CEP162: variants seen among roughly 807,000 people sequenced by gnomAD.
The protein encoded by CEP162 is centrosomal protein 162.
Under a neutral mutation model 169.2 loss-of-function variants are expected in CEP162, and 141 were observed. The observed-to-expected ratio is 0.83, with a 90% CI of 0.73 to 0.96. The LOEUF is 0.96. CEP162 is among the 40% of genes least tolerant of loss of function. The pLI, the probability that CEP162 is intolerant of heterozygous loss-of-function variation, is 0.00. For synonymous variants in CEP162, 540 were observed against 526.4 expected (o/e 1.03, Z -0.35); for missense variants, 1,600 against 1,587.2 (o/e 1.01, Z -0.14).
chr6:84,226,248 G>T, intron 2 of CEP162, 89 bp downstream of exon 2: 1 of 860,974 alleles, frequency 1.2e-6, no homozygotes, highest in Non-Finnish European at 1.9e-6. Context: ...GTTTGGTGAT[G>T]GACTAACTGT....
chr6:84,175,436 G>A, intron 13 of CEP162, 89 bp from the exon 14 acceptor site: 2 of 928,134 alleles, frequency 2.2e-6, no homozygotes, highest in Admixed American at 3.1e-5. Flanking sequence ...AAAATACAAT[G>A]GAAACACAAA....
chr6:84,198,405 G>A (rs142091124), intron 9 of CEP162, among the ~76,000 whole-genome samples: 97 of 152,152 alleles, frequency 6.4e-4, no homozygotes, highest in African/African-American at 1.8e-3. Flanking sequence ...AGCCTTCTGC[G>A]TAGCTACAAT....
chr6:84,162,546 AAGTT>A (rs1361217221), intron 19 of CEP162, among the ~76,000 whole-genome samples: 1 of 152,084 alleles, frequency 6.6e-6, no homozygotes, highest in Admixed American at 6.6e-5. Flanking sequence ...CTGCCACTCT[AAGTT>A]ATAGAACATA....
rs772512211 is a variant in CEP162 at position 84,175,266 on chromosome 6, C to T, written c.1745G>A (p.Arg582His). Residue 582 changes from arginine to histidine, a missense_variant, in exon 14 of 27, where the codon CGT (arginine) becomes CAT (histidine). Transcript: ENST00000403245. ...AHKTESCLSTRKKSENPTETD... is the reference protein window; with the variant it reads ...AHKTESCLSTHKKSENPTETD... ...TTCTGTGGGATTTTCAGACTTCTTA[C>T]GAGTAGACAGGCAACTTTCAGTTTT... The T allele has an allele frequency of 7.2e-5, 112 of 1,546,332 alleles. No individual in the cohort carries two copies. The highest frequency in any genetic ancestry group is 6.6e-4 in the East Asian group (27 of 40,684).
intron 3 of CEP162, among the ~76,000 whole-genome samples, chr6:84,219,541 A>G (rs894946201): frequency 6.6e-6 from 1 of 152,222 alleles, no homozygotes; most frequent in Non-Finnish European, 1.5e-5. Context: ...CAATTCCAAC[A>G]GTACTTCATC....
At chr6:84,173,084 G>A (rs184698323) in intron 16 of CEP162, among the ~76,000 whole-genome samples, 21 of 152,196 alleles carry the variant, frequency 1.4e-4, no homozygotes, top group Admixed American at 3.9e-4. Flanking sequence ...TCATATTTCT[G>A]AATATAATAG....
intron 18 of CEP162, among the ~76,000 whole-genome samples, chr6:84,166,199 C>T (rs1160672057): frequency 2.0e-5 from 3 of 152,106 alleles, no homozygotes; most frequent in African/African-American, 4.8e-5. Flanking sequence ...CATAAGTTAC[C>T]GTGCAGACAT....
intron 9 of CEP162, among the ~76,000 whole-genome samples, chr6:84,199,353 A>G (rs1461121044): frequency 6.6e-6 from 1 of 152,170 alleles, no homozygotes; most frequent in Non-Finnish European, 1.5e-5. Flanking sequence ...AAGTGGATGT[A>G]ACAAGTCAAA....
chr6:84,175,101 T>C (rs1317257415), intron 14 of CEP162, 113 bp downstream of exon 14: 3 of 850,536 alleles, frequency 3.5e-6, no homozygotes, highest in Non-Finnish European at 5.2e-6. Context: ...GTGATTACAG[T>C]ATCACTCAAA....
In CEP162 at chr6:84,134,632, G is replaced by A. The variant is rs979337379; in HGVS notation, c.3871-8120C>T. On this transcript the variant is annotated intron_variant, in intron 25 of 26. Coordinates refer to ENST00000403245, the MANE Select transcript of CEP162 (RefSeq NM_014895.4). Reference sequence around the variant, plus strand: ...CCGACCCCTTGCACTTCCCGGATGAGGCAAGGCCCCACCCTGCCTTGGCTC... The same window carrying A: ...CCGACCCCTTGCACTTCCCGGATGAAGCAAGGCCCCACCCTGCCTTGGCTC... 6.6e-5 allele frequency among the ~76,000 whole-genome samples: 10 copies of A among 152,224 alleles called. 1 individual carries two copies. Among genetic ancestry groups the A allele is most frequent in the Admixed American group, 1.3e-4 (2 of 15,294 alleles).
chr6:84,184,112 T>A (rs1465156661), intron 13 of CEP162, among the ~76,000 whole-genome samples: 11 of 152,090 alleles, frequency 7.2e-5, no homozygotes, highest in African/African-American at 2.7e-4. Flanking sequence ...GTGCACATGA[T>A]CCCTTCTTCC....
intron 10 of CEP162, 122 bp from the exon 11 acceptor site, chr6:84,193,812 C>T (rs1433820482): frequency 7.8e-6 from 4 of 511,898 alleles, no homozygotes; most frequent in African/African-American, 7.8e-5. Context: ...ATGCAATAAA[C>T]CTAGTTTTCC....
rs190978469 is a variant in CEP162 at position 84,156,374 on chromosome 6, G to A, written c.2782-864C>T. Among the ~76,000 whole-genome samples the A allele has an allele frequency of 4.6e-3, 694 of 151,772 alleles. 8 individuals carry two copies. The highest frequency in any genetic ancestry group is 0.016 in the African/African-American group (662 of 41,386). ...CAACAAAACCAAAAATAAACAAATG[G>A]GACTTAATTAAATAACCCCATTAAA... On this transcript the variant is annotated intron_variant, in intron 21 of 26. Coordinates refer to ENST00000403245, the MANE Select transcript of CEP162 (RefSeq NM_014895.4).
In CEP162 at chr6:84,194,977, C is replaced by A. The variant is rs1264445481; in HGVS notation, c.934G>T (p.Glu312Ter). Reference protein sequence around the residue: ...SLGDEDKQKIESNTVEDIKSS... With the variant: ...SLGDEDKQKI ...TTGATATCTTCCACTGTGTTACTCT[C>A]AATTTTTTGTTTGTCTTCATCTCCC... The change falls in exon 10 of 27, where the codon GAG becomes TAG. Residue 312 changes from glutamate to a stop codon, truncating the protein, a stop_gained. Coordinates refer to ENST00000403245, the MANE Select transcript of CEP162 (RefSeq NM_014895.4). LOFTEE classifies it high-confidence loss of function. 1.2e-6 allele frequency: 2 copies of A among 1,613,368 alleles called. No homozygotes were observed. Among genetic ancestry groups the A allele is most frequent in the Non-Finnish European group, 1.7e-6 (2 of 1,179,660 alleles).
At chr6:84,165,233 T>C (rs2099527355) in intron 18 of CEP162, among the ~76,000 whole-genome samples, 1 of 151,978 alleles carries the variant, frequency 6.6e-6, no homozygotes, top group Admixed American at 6.6e-5. Flanking sequence ...CATTTTTTTC[T>C]CACAGCACTC....
At chr6:84,163,518 A>T (rs1028920094) in intron 18 of CEP162, among the ~76,000 whole-genome samples, 14 of 151,956 alleles carry the variant, frequency 9.2e-5, no homozygotes, top group African/African-American at 3.1e-4. Context: ...CTTCTTCCAT[A>T]TACTAACCAT....
At chr6:84,158,710 C>G (rs1170065526) in intron 21 of CEP162, among the ~76,000 whole-genome samples, 1 of 151,710 alleles carries the variant, frequency 6.6e-6, no homozygotes, top group Non-Finnish European at 1.5e-5. Context: ...CATACCAACA[C>G]TAAATATAGT....
intron 1 of CEP162, among the ~76,000 whole-genome samples, chr6:84,227,159 C>T (rs570843669): frequency 1.4e-4 from 21 of 152,268 alleles, no homozygotes; most frequent in African/African-American, 5.1e-4. Context: ...ATGAACCCAA[C>T]CTTGGGTCGA....
intron 13 of CEP162, among the ~76,000 whole-genome samples, chr6:84,180,609 C>T (rs2129227586): frequency 6.6e-6 from 1 of 150,804 alleles, no homozygotes; most frequent in East Asian, 1.9e-4. Flanking sequence ...TTGTCTCAGC[C>T]CAAAATCTCC....
Sources: gnomAD v4.1 joint callset for allele counts (sites outside exome capture counted in the v4.1 genomes callset) on GRCh38, gnomAD v4.1.1 for gene constraint, MANE v1.5 for transcripts, NCBI Gene and HGNC (gene_info 2026-07-23, HGNC 2026-07-21) for gene names.